SEMA3A: variants seen among roughly 807,000 people sequenced by gnomAD.
The protein encoded by SEMA3A is semaphorin 3A, also known as semaphorin-3A.
SEMA3A carries 29 observed loss-of-function variants against 97.9 expected under a neutral mutation model. That is an observed-to-expected ratio of 0.30 (90% CI 0.22 to 0.40). The LOEUF (loss-of-function observed/expected upper bound fraction) is 0.40, where lower values mean the gene tolerates loss of function less well. Among genes scored for constraint, SEMA3A ranks in the 10% least tolerant of loss-of-function variants. The pLI, the probability that SEMA3A is intolerant of heterozygous loss-of-function variation, is 1.00. For missense variants in SEMA3A, 763 were observed against 951.3 expected, an observed-to-expected ratio of 0.80 and a Z score of 2.60; for synonymous variants, 321 against 323.7, an observed-to-expected ratio of 0.99 and a Z score of 0.09.
chr7:84,253,308 G>A (rs1799649597), intron 3 of SEMA3A, among the ~76,000 whole-genome samples: 1 of 151,906 alleles, frequency 6.6e-6, no homozygotes. Context: ...AAATATATGA[G>A]TAGCAAGACA....
At chr7:84,318,957 A>G (rs1362808397) in intron 2 of SEMA3A, among the ~76,000 whole-genome samples, 1 of 152,204 alleles carries the variant, frequency 6.6e-6, no homozygotes, top group Non-Finnish European at 1.5e-5. Context: ...TGATTAGTTT[A>G]GCAATTTGTC....
chr7:84,013,008 CTT>C (rs1584545468), intron 7 of SEMA3A, among the ~76,000 whole-genome samples: 3 of 151,808 alleles, frequency 2.0e-5, no homozygotes, highest in South Asian at 2.1e-4. Context: ...GTATTGAAAA[CTT>C]TTAATTTTTC....
chr7:83,985,774 G>T (rs768706791), intron 12 of SEMA3A, among the ~76,000 whole-genome samples: 3 of 152,162 alleles, frequency 2.0e-5, no homozygotes, highest in Non-Finnish European at 4.4e-5. Context: ...AGCACAGTGA[G>T]AGGGTGTTGG....
chr7:84,410,546 A>G (rs1265205230), intron 1 of SEMA3A, among the ~76,000 whole-genome samples: 1 of 152,122 alleles, frequency 6.6e-6, no homozygotes, highest in Non-Finnish European at 1.5e-5. Flanking sequence ...CTAGTTTCCA[A>G]TAAAGGAATA....
chr7:84,197,885 ACACGCCGC>A (rs1358924511), upstream of SEMA3A, among the ~76,000 whole-genome samples: 1 of 151,684 alleles, frequency 6.6e-6, no homozygotes, highest in Non-Finnish European at 1.5e-5. Context: ...GACTACAGGC[ACACGCCGC>A]CACGCCCAGC....
At chr7:84,339,298 A>G (rs960523475) in intron 2 of SEMA3A, among the ~76,000 whole-genome samples, 2 of 152,200 alleles carry the variant, frequency 1.3e-5, no homozygotes, top group Non-Finnish European at 2.9e-5. Flanking sequence ...TGCAGGGTCA[A>G]TTAGAGACTG....
At chr7:84,284,726 A>G (rs1341443720) in intron 3 of SEMA3A, among the ~76,000 whole-genome samples, 1 of 152,166 alleles carries the variant, frequency 6.6e-6, no homozygotes, top group Admixed American at 6.6e-5. Flanking sequence ...AGGGTCATGA[A>G]GGAGGAGAAT....
At chr7:84,372,246 C>G (rs1259111819) in intron 1 of SEMA3A, 1 of 152,062 alleles carries the variant, frequency 6.6e-6, no homozygotes, top group Non-Finnish European at 1.5e-5. Flanking sequence ...GCCCTCTTAA[C>G]TGCTTTGGAC....
At chr7:84,215,029 G>A (rs1040578398) in intron 3 of SEMA3A, among the ~76,000 whole-genome samples, 4 of 151,046 alleles carry the variant, frequency 2.6e-5, no homozygotes, top group Admixed American at 6.6e-5. Context: ...ATGACACCAC[G>A]CCAGGCTAAT....
In SEMA3A at chr7:84,229,487, T is replaced by C. The variant is rs373597939; in HGVS notation, c.-82-34819A>G. Among the ~76,000 whole-genome samples, 5 of 152,258 alleles carry C rather than the reference T, an allele frequency of 3.3e-5. No individual in the cohort carries two copies. In the East Asian group the frequency reaches 7.7e-4, roughly 24 times the overall value. ...CTTGGATTGCTGATTAAGCACAACA[T>C]GCCATCTGGCAGAATTTGCTTTTCC... On this transcript the variant is annotated intron_variant, in intron 3 of 3. Transcript: ENST00000424555.
chr7:84,218,291 G>T (rs987405538), intron 3 of SEMA3A, among the ~76,000 whole-genome samples: 2 of 151,984 alleles, frequency 1.3e-5, no homozygotes, highest in Non-Finnish European at 2.9e-5. Context: ...AAAAATTTAA[G>T]ATGTTTTATT....
chr7:84,439,746 C>T (rs1805224394), intron 1 of SEMA3A, among the ~76,000 whole-genome samples: 2 of 152,028 alleles, frequency 1.3e-5, no homozygotes, highest in African/African-American at 4.8e-5. Context: ...AATGATAGTA[C>T]ATATATAGTA....
intron 3 of SEMA3A, among the ~76,000 whole-genome samples, chr7:84,256,563 G>C (rs561893752): frequency 6.6e-6 from 1 of 152,008 alleles, no homozygotes; most frequent in Non-Finnish European, 1.5e-5. Context: ...GTGATATACT[G>C]AGTTTGCTGA....
At chr7:84,310,351 C>G (rs551021473) in intron 2 of SEMA3A, among the ~76,000 whole-genome samples, 28 of 151,900 alleles carry the variant, frequency 1.8e-4, no homozygotes, top group African/African-American at 6.0e-4. Flanking sequence ...TACAAAATAA[C>G]TGATCCAACC....
At chr7:84,014,698 T>C (rs77405229) in intron 6 of SEMA3A, among the ~76,000 whole-genome samples, 2,171 of 152,322 alleles carry the variant, frequency 0.014, 46 homozygotes, top group African/African-American at 0.05. Flanking sequence ...TCACCATTGT[T>C]ATTCTTTCTT....
At chr7:84,167,954 T>TA (rs1213469545) in intron 1 of SEMA3A, among the ~76,000 whole-genome samples, 1 of 152,150 alleles carries the variant, frequency 6.6e-6, no homozygotes, top group Non-Finnish European at 1.5e-5. Context: ...AACCAACAAT[T>TA]AAGTTATTAG....
At chr7:84,296,174 G>A (rs1297458642) in intron 3 of SEMA3A, among the ~76,000 whole-genome samples, 1 of 152,070 alleles carries the variant, frequency 6.6e-6, no homozygotes, top group Non-Finnish European at 1.5e-5. Flanking sequence ...TGGGATTAGT[G>A]TAAAATATGA....
At chr7:84,129,317 T>C (rs1795891821) in intron 2 of SEMA3A, 132 bp from the exon 3 acceptor site, 1 of 727,592 alleles carries the variant, frequency 1.4e-6, no homozygotes, top group Non-Finnish European at 2.3e-6. Context: ...CAGGAAACTT[T>C]CACTTTAGAC....
intron 1 of SEMA3A, among the ~76,000 whole-genome samples, chr7:84,479,357 G>C (rs557210769): frequency 2.6e-5 from 4 of 152,264 alleles, no homozygotes; most frequent in Non-Finnish European, 5.9e-5. Flanking sequence ...GCAAACGGGG[G>C]ATACAGACAT....
Sources: gnomAD v4.1 joint callset for allele counts (sites outside exome capture counted in the v4.1 genomes callset) on GRCh38, gnomAD v4.1.1 for gene constraint, MANE v1.5 for transcripts, NCBI Gene and HGNC (gene_info 2026-07-23, HGNC 2026-07-21) for gene names.